Variants in FBXO42 observed in about 807,000 individuals in gnomAD.
FBXO42 encodes F-box protein 42.
In FBXO42, 12 loss-of-function variants were observed where a neutral mutation model predicts 71.7. The ratio of observed to expected loss-of-function variants is 0.17; its 90% CI spans 0.11 to 0.27. The LOEUF (loss-of-function observed/expected upper bound fraction) is 0.27, where lower values mean the gene tolerates loss of function less well. Ranked by LOEUF, FBXO42 falls within the 10% of genes least tolerant of loss-of-function variation. FBXO42 has a pLI of 1.00. For synonymous variants in FBXO42, 325 were observed against 327.5 expected (o/e 0.99, Z 0.08); for missense variants, 707 against 911.9 (o/e 0.78, Z 2.89).
chr1:16,308,747 T>TG (rs2100562625), intron 2 of FBXO42, among the ~76,000 whole-genome samples: 1 of 142,266 alleles, frequency 7.0e-6, no homozygotes, highest in Admixed American at 7.0e-5. Context: ...TCTGTTTTTT[T>TG]TTTTTTTTTT....
At chr1:16,298,067 A>T (rs2082150377) in intron 3 of FBXO42, among the ~76,000 whole-genome samples, 1 of 151,762 alleles carries the variant, frequency 6.6e-6, no homozygotes, top group South Asian at 2.1e-4. Context: ...TCTACTAAAA[A>T]TACAAAAATT....
intron 1 of FBXO42, among the ~76,000 whole-genome samples, chr1:16,329,541 A>T (rs1430977518): frequency 6.7e-6 from 1 of 148,572 alleles, no homozygotes; most frequent in African/African-American, 2.5e-5. Flanking sequence ...CCAAGATCGC[A>T]CCACTGCACT....
chr1:16,309,045 G>A (rs1301099480), intron 2 of FBXO42, among the ~76,000 whole-genome samples: 1 of 143,956 alleles, frequency 6.9e-6, no homozygotes, highest in Non-Finnish European at 1.5e-5. Context: ...GCCAGGCCGG[G>A]AGACCCCATC....
At chr1:16,311,503 A>AAAAT (rs1553153698) in intron 2 of FBXO42, among the ~76,000 whole-genome samples, 56 of 65,550 alleles carry the variant, frequency 8.5e-4, no homozygotes, top group Admixed American at 1.6e-3. Context: ...AAAAAAAAAA[A>AAAAT]ATATATATAT....
intron 2 of FBXO42, among the ~76,000 whole-genome samples, chr1:16,314,937 T>C (rs1183507718): frequency 6.6e-6 from 1 of 151,584 alleles, no homozygotes; most frequent in African/African-American, 2.4e-5. Context: ...TCTAAGAATA[T>C]GAAGCTTTTA....
At chr1:16,298,988 C>G (rs1395826648) in intron 3 of FBXO42, among the ~76,000 whole-genome samples, 1 of 151,874 alleles carries the variant, frequency 6.6e-6, no homozygotes, top group African/African-American at 2.4e-5. Context: ...CTGTATTTTT[C>G]AAAAAGGTAA....
At chr1:16,263,857 C>G (rs1388958776) in intron 4 of FBXO42, among the ~76,000 whole-genome samples, 1 of 141,378 alleles carries the variant, frequency 7.1e-6, no homozygotes. Flanking sequence ...TTCGCCCAGG[C>G]TGGAGTGCGA....
At chr1:16,268,387 G>A (rs570989220) in intron 4 of FBXO42, among the ~76,000 whole-genome samples, 8 of 152,192 alleles carry the variant, frequency 5.3e-5, no homozygotes, top group African/African-American at 1.4e-4. Flanking sequence ...CATGTATTCT[G>A]GAAAAATCCC....
At chr1:16,263,401 T>G (rs1374451455) in intron 4 of FBXO42, among the ~76,000 whole-genome samples, 1 of 151,886 alleles carries the variant, frequency 6.6e-6, no homozygotes, top group Admixed American at 6.6e-5. Flanking sequence ...CAAGATCACG[T>G]CACTGCACTC....
chr1:16,274,372 G>A (rs2081875888), intron 4 of FBXO42, among the ~76,000 whole-genome samples: 1 of 151,932 alleles, frequency 6.6e-6, no homozygotes, highest in Admixed American at 6.6e-5. Context: ...AGTGTTAGAA[G>A]TCAGAATAGG....
Position 16,251,059 on chromosome 1 carries a change from C to T in FBXO42, c.1765G>A (p.Gly589Arg), listed in dbSNP as rs1332296243. 1 of 1,614,188 alleles carries T rather than the reference C, an allele frequency of 6.2e-7. No homozygotes were observed. Among genetic ancestry groups the T allele is most frequent in the Non-Finnish European group, 8.5e-7 (1 of 1,180,040 alleles). Residue 589 changes from glycine (G) to arginine (R), a missense_variant, in exon 10 of 10, where the codon GGG becomes AGG. Around this residue, in one of 5 missense-constraint regions of FBXO42, gnomAD observed 482 missense variants for 587.1 expected, o/e 0.82. Coordinates refer to ENST00000375592, the MANE Select transcript of FBXO42 (RefSeq NM_018994.3). This position sits in a 1 kb window ranked among gnomAD's most constrained non-coding sequence, Gnocchi z 4.5. The stretch of plus-strand genomic sequence containing the variant: ...TCTCCACTGCTCAAACTCTGGCTCC[C>T]AGGAGAGCCTGGAGAAGACCCAAGA... ...PPLGSSPGSP[G>R]SQSLSSGETV...
intron 1 of FBXO42, among the ~76,000 whole-genome samples, chr1:16,330,012 C>CTGT (rs780059439): frequency 1.3e-5 from 2 of 152,154 alleles, no homozygotes; most frequent in Non-Finnish European, 2.9e-5. Context: ...CGTGTATGTA[C>CTGT]GTTTTCCTCT....
rs549498829 is a variant in FBXO42 at position 16,342,062 on chromosome 1, A to G, written c.-18+10193T>C. On this transcript the variant is annotated intron_variant, in intron 1 of 9. Transcript: ENST00000375592. ...GAGTCTGAGGTGGGTGGATCACCTG[A>G]GCCCAGGGGTTCAGGACCACCCTGG... Among the ~76,000 whole-genome samples the G allele has an allele frequency of 4.0e-5, 6 of 151,504 alleles. No homozygotes were observed. In the East Asian group the frequency reaches 9.8e-4, roughly 25 times the overall value.
intron 4 of FBXO42, among the ~76,000 whole-genome samples, chr1:16,260,742 C>A (rs1199429332): frequency 6.6e-6 from 1 of 152,108 alleles, no homozygotes; most frequent in Non-Finnish European, 1.5e-5. Flanking sequence ...GGCACCCAGG[C>A]TGGAGTGCAG....
At chr1:16,285,443 T>C (rs2100511748) in intron 4 of FBXO42, among the ~76,000 whole-genome samples, 1 of 152,020 alleles carries the variant, frequency 6.6e-6, no homozygotes, top group South Asian at 2.1e-4. Context: ...CCAGCTAATT[T>C]TTGTATTTTT....
At chr1:16,302,425 G>A (rs12746267) in intron 3 of FBXO42, among the ~76,000 whole-genome samples, 28,991 of 152,154 alleles carry the variant, frequency 0.19, 3,183 homozygotes, top group Non-Finnish European at 0.24. Context: ...AGAGGCCTCA[G>A]GAAACTTACA....
At chr1:16,307,641 GAACAAGTAGAATTTGA>G (rs2082265729) in intron 2 of FBXO42, among the ~76,000 whole-genome samples, 1 of 151,842 alleles carries the variant, frequency 6.6e-6, no homozygotes, top group South Asian at 2.1e-4. Flanking sequence ...ATACAACAAT[GAACAAGTAGAATTTGA>G]AATTAAAACA....
chr1:16,250,620 G>C lies in FBXO42; in HGVS notation c.*50C>G. On this transcript the variant is annotated 3_prime_UTR_variant, in exon 10 of 10. Coordinates refer to ENST00000375592, the MANE Select transcript of FBXO42 (RefSeq NM_018994.3). The surrounding 1 kb of genome is among the most constrained non-coding windows in gnomAD (Gnocchi z 4.7). ...TTCTCAGTCCAAATGCTTACACACTGGAAAATTCCAAATTAAAAGCCACAG... is the reference window on the plus strand; with the variant it reads ...TTCTCAGTCCAAATGCTTACACACTCGAAAATTCCAAATTAAAAGCCACAG... The C allele has an allele frequency of 6.4e-7, 1 of 1,564,246 alleles. No homozygotes were observed. Among genetic ancestry groups the C allele is most frequent in the Non-Finnish European group, 8.7e-7 (1 of 1,155,834 alleles).
intron 4 of FBXO42, among the ~76,000 whole-genome samples, chr1:16,272,751 C>G (rs974723712): frequency 6.6e-6 from 1 of 152,116 alleles, no homozygotes; most frequent in African/African-American, 2.4e-5. Flanking sequence ...TGTTAGTCAT[C>G]GAAATTTGTG....
Sources: gnomAD v4.1 joint callset for allele counts (sites outside exome capture counted in the v4.1 genomes callset) on GRCh38, gnomAD v4.1.1 for gene constraint, gnomAD v4.1.1 regional missense constraint, Gnocchi (gnomAD v3.1) non-coding constraint, MANE v1.5 for transcripts, NCBI Gene and HGNC (gene_info 2026-07-23, HGNC 2026-07-21) for gene names.